The following FRMD4B variants were observed in gnomAD, a reference collection of about 807,000 sequenced individuals.
FRMD4B encodes FERM domain-containing protein 4B.
FRMD4B carries 74 observed loss-of-function variants against 141.5 expected under a neutral mutation model. The ratio of observed to expected loss-of-function variants is 0.52; its 90% CI spans 0.43 to 0.63. The LOEUF (loss-of-function observed/expected upper bound fraction) is 0.63, where lower values mean the gene tolerates loss of function less well. Ranked by LOEUF, FRMD4B falls within the 30% of genes least tolerant of loss-of-function variation. FRMD4B has a pLI of 0.00. For missense variants in FRMD4B, 1,366 were observed against 1,253.4 expected (o/e 1.09, Z -1.36); for synonymous variants, 506 against 467.9 (o/e 1.08, Z -1.05).
intron 1 of FRMD4B, among the ~76,000 whole-genome samples, chr3:69,325,927 G>A (rs1702175426): frequency 6.6e-6 from 1 of 152,032 alleles, no homozygotes; most frequent in South Asian, 2.1e-4. Context: ...ATTTGCTTAA[G>A]TGCGTACTTC....
At chr3:69,385,659 C>G (rs532698812) in intron 1 of FRMD4B, among the ~76,000 whole-genome samples, 169 bp downstream of exon 1, 1 of 152,284 alleles carries the variant, frequency 6.6e-6, no homozygotes, top group South Asian at 2.1e-4. Context: ...TTCACAAGCT[C>G]TGTCAAGCAA....
At chr3:69,333,191 C>T (rs902708316) in intron 1 of FRMD4B, among the ~76,000 whole-genome samples, 9 of 152,198 alleles carry the variant, frequency 5.9e-5, no homozygotes, top group Non-Finnish European at 7.4e-5. Context: ...GAAAAAAATA[C>T]ACATTTTAAA....
At chr3:69,390,163 C>A (rs1704349901), upstream of FRMD4B, among the ~76,000 whole-genome samples, 1 of 152,184 alleles carries the variant, frequency 6.6e-6, no homozygotes, top group Non-Finnish European at 1.5e-5. Flanking sequence ...CAAATTCCAA[C>A]CCCTGTCTCT....
At chr3:69,527,325 C>A (rs995408084) in intron 1 of FRMD4B, among the ~76,000 whole-genome samples, 1 of 152,126 alleles carries the variant, frequency 6.6e-6, no homozygotes, top group Non-Finnish European at 1.5e-5. Flanking sequence ...GAAGAGAACA[C>A]CCAGAGCCCT....
intron 1 of FRMD4B, among the ~76,000 whole-genome samples, chr3:69,474,991 G>A (rs1342640696): frequency 6.6e-6 from 1 of 152,090 alleles, no homozygotes; most frequent in Non-Finnish European, 1.5e-5. Flanking sequence ...GTGTTTGAGG[G>A]AAAAAGGAAA....
intron 1 of FRMD4B, among the ~76,000 whole-genome samples, chr3:69,367,135 A>C (rs1299404063): frequency 6.6e-6 from 1 of 152,202 alleles, no homozygotes; most frequent in African/African-American, 2.4e-5. Context: ...GCACTGTGTG[A>C]ATGGACACAA....
chr3:69,298,199 T>C, intron 4 of FRMD4B, among the ~76,000 whole-genome samples: 1 of 152,266 alleles, frequency 6.6e-6, no homozygotes. Context: ...GAGCAAGTTC[T>C]CGTGGAATTT....
intron 1 of FRMD4B, among the ~76,000 whole-genome samples, chr3:69,509,788 C>T (rs1706660483): frequency 6.6e-6 from 1 of 151,856 alleles, no homozygotes; most frequent in African/African-American, 2.4e-5. Context: ...TGCCATTTTT[C>T]CAACAGCATG....
intron 4 of FRMD4B, among the ~76,000 whole-genome samples, chr3:69,296,236 T>A (rs1231601354): frequency 2.0e-5 from 3 of 152,144 alleles, no homozygotes; most frequent in Admixed American, 2.0e-4. Flanking sequence ...CATCTGTTTT[T>A]TAAAACTGTG....
chr3:69,233,972 C>T (rs776161609), intron 7 of FRMD4B, among the ~76,000 whole-genome samples: 1 of 152,080 alleles, frequency 6.6e-6, no homozygotes, highest in East Asian at 1.9e-4. Flanking sequence ...TTAGGCCAGG[C>T]GTAGTAGCTC....
At chr3:69,421,713 A>T (rs1280409411) in intron 2 of FRMD4B, among the ~76,000 whole-genome samples, 7 of 152,222 alleles carry the variant, frequency 4.6e-5, no homozygotes, top group Non-Finnish European at 8.8e-5. Flanking sequence ...GCCACCTTTC[A>T]ACTGCTCAAT....
chr3:69,302,430 T>C lies in FRMD4B; in HGVS notation c.329A>G (p.Gln110Arg), dbSNP rs1475453804. 2 of 1,580,236 alleles carry C rather than the reference T, an allele frequency of 1.3e-6. No homozygotes were observed. Among genetic ancestry groups the C allele is most frequent in the South Asian group, 2.3e-5 (2 of 88,190 alleles). Residue 110 changes from glutamine to arginine, a missense_variant, in exon 4 of 23, where the codon CAG becomes CGG. Coordinates refer to ENST00000398540, the MANE Select transcript of FRMD4B (RefSeq NM_015123.3). ...FGITFIDDTGQQNWLQLDHRV... is the reference protein window; with the variant it reads ...FGITFIDDTGRQNWLQLDHRV... ...GTGATCTAACTGCAGCCAGTTCTGC[T>C]GACCTCTGTGAGAGCAAAGCAAAGA... is the stretch of plus-strand genomic sequence containing the variant.
chr3:69,176,172 T>G (rs772552109), intron 22 of FRMD4B, among the ~76,000 whole-genome samples: 3 of 152,044 alleles, frequency 2.0e-5, no homozygotes, highest in African/African-American at 7.2e-5. Flanking sequence ...AAGAATTCAA[T>G]GTAATACTGA....
At chr3:69,399,990 C>T (rs916896161) in intron 2 of FRMD4B, among the ~76,000 whole-genome samples, 16 of 152,228 alleles carry the variant, frequency 1.1e-4, no homozygotes, top group Non-Finnish European at 2.2e-4. Flanking sequence ...CAACCCAATA[C>T]GATACCTGGC....
At chr3:69,308,750 T>C (rs1229579501) in intron 3 of FRMD4B, among the ~76,000 whole-genome samples, 3 of 152,016 alleles carry the variant, frequency 2.0e-5, no homozygotes, top group African/African-American at 2.4e-5. Context: ...TTGTTTTTTT[T>C]CTCGCAAAAA....
At chr3:69,484,984 C>G (rs749675882) in intron 1 of FRMD4B, among the ~76,000 whole-genome samples, 47 of 152,144 alleles carry the variant, frequency 3.1e-4, no homozygotes, top group Non-Finnish European at 5.1e-4. Context: ...TCTCTGGGCC[C>G]CCCCACCTTC....
chr3:69,454,753 G>C (rs1575807716), intron 1 of FRMD4B, among the ~76,000 whole-genome samples: 1 of 152,196 alleles, frequency 6.6e-6, no homozygotes, highest in Admixed American at 6.5e-5. Flanking sequence ...TCCCCAAAGG[G>C]CACCACCCCC....
intron 1 of FRMD4B, among the ~76,000 whole-genome samples, chr3:69,482,444 T>C (rs914922965): frequency 6.6e-6 from 1 of 151,800 alleles, no homozygotes; most frequent in Admixed American, 6.6e-5. Flanking sequence ...TTTGTGAAGA[T>C]GTCTAACAAG....
At chr3:69,294,257 G>T (rs1444261487) in intron 4 of FRMD4B, among the ~76,000 whole-genome samples, 1 of 152,206 alleles carries the variant, frequency 6.6e-6, no homozygotes, top group Non-Finnish European at 1.5e-5. Context: ...CGCCTAGGTA[G>T]ATTTCTATCA....
Sources: allele counts gnomAD v4.1 joint callset (sites outside exome capture counted in the v4.1 genomes callset), GRCh38; gene constraint gnomAD v4.1.1; transcripts MANE v1.5; gene names NCBI Gene and HGNC (gene_info 2026-07-23, HGNC 2026-07-21).